The following MINK1 variants were observed in gnomAD, a reference collection of about 807,000 sequenced individuals.
MINK1 encodes the protein misshapen-like kinase 1.
In MINK1, 46 loss-of-function variants were observed where a neutral mutation model predicts 178.4. The ratio of observed to expected loss-of-function variants is 0.26; its 90% confidence interval spans 0.20 to 0.33. MINK1 has a LOEUF of 0.33. Among genes scored for constraint, MINK1 ranks in the 10% least tolerant of loss-of-function variants. MINK1 has a pLI of 1.00. For synonymous variants in MINK1, 797 were observed against 709.7 expected, an observed-to-expected ratio of 1.12 and a Z score of -1.96; for missense variants, 1,366 against 1,814.9, an observed-to-expected ratio of 0.75 and a Z score of 4.49.
At chr17:4,849,824 C>T (rs975432999) in intron 1 of MINK1, among the ~76,000 whole-genome samples, 2 of 152,182 alleles carry the variant, frequency 1.3e-5, no homozygotes, top group African/African-American at 4.8e-5. Flanking sequence ...CCGCCCGCCT[C>T]GGCCTCCCAA....
In MINK1 at chr17:4,890,422, T is replaced by C. The variant is rs1194117600; in HGVS notation, c.1348-95T>C. Reference sequence around the variant, plus strand: ...ACCCAGGACATCAAGGGAATACATCTCCTCTCTAGGCAGTTGGAGAAAAGA... The same window carrying C: ...ACCCAGGACATCAAGGGAATACATCCCCTCTCTAGGCAGTTGGAGAAAAGA... On this transcript the variant is annotated intron_variant, in intron 13 of 31. Transcript: ENST00000355280. 3.4e-6 allele frequency: 5 copies of C among 1,489,658 alleles called. No homozygotes were observed. The East Asian group carries it at 9.9e-5, about 30-fold the overall frequency. The allele number at this position is 1,489,658 out of a possible 1,614,324, so 92.3% of individuals were successfully genotyped here.
intron 2 of MINK1, 63 bp downstream of exon 2, chr17:4,878,445 AG>A: frequency 7.0e-7 from 1 of 1,426,726 alleles, no homozygotes; most frequent in Admixed American, 2.0e-5. Flanking sequence ...GAGGAGTGGA[AG>A]GAAGTAGATT....
At position 4,897,468 on chromosome 17, in the gene MINK1, T is replaced by TC. The variant is rs1360779155; in HGVS notation, c.*185dup. On this transcript the variant is annotated 3_prime_UTR_variant, in exon 32 of 32. Transcript: ENST00000355280. ...TTTCGTGATCACGTGACCATCCTCTTCCCCAACATGTCCTCTTCCCAAAAC... is the reference window on the plus strand; with the variant it reads ...TTTCGTGATCACGTGACCATCCTCTTCCCCCAACATGTCCTCTTCCCAAAAC... The TC allele has an allele frequency of 1.2e-5, 7 of 583,554 alleles. No individual in the cohort carries two copies. Among genetic ancestry groups the TC allele is most frequent in the East Asian group, 5.9e-5 (2 of 33,826 alleles). The allele number at this position is 583,554 out of a possible 1,614,324, so 36.1% of individuals were successfully genotyped here.
At chr17:4,882,104 A>G (rs1259108506) in intron 4 of MINK1, among the ~76,000 whole-genome samples, 1 of 152,236 alleles carries the variant, frequency 6.6e-6, no homozygotes, top group Non-Finnish European at 1.5e-5. Flanking sequence ...GGTGACAGGG[A>G]GGTCTACCTG....
intron 14 of MINK1, 70 bp from the exon 15 acceptor site, chr17:4,890,881 C>A: frequency 6.5e-7 from 1 of 1,541,950 alleles, no homozygotes; most frequent in South Asian, 1.2e-5. Flanking sequence ...GTAGTTAGGG[C>A]AGGTGGGACC....
chr17:4,857,166 A>G, intron 1 of MINK1: 1 of 290,510 alleles, frequency 3.4e-6, no homozygotes. Flanking sequence ...GACAGCCGCC[A>G]CTAGGCCATA....
intron 1 of MINK1, among the ~76,000 whole-genome samples, chr17:4,835,508 T>A (rs1236366123): frequency 1.3e-5 from 2 of 152,212 alleles, no homozygotes; most frequent in African/African-American, 4.8e-5. Context: ...ACACCTGTGA[T>A]CCCAGCTACT....
Position 4,839,189 on chromosome 17 carries a change from C to T in MINK1, c.57+5549C>T, listed in dbSNP as rs528008997. Among the ~76,000 whole-genome samples, 28 of 152,242 alleles carry T rather than the reference C, an allele frequency of 1.8e-4. No homozygotes were observed. The East Asian group carries it at 4.8e-3, about 26-fold the overall frequency. ...TGATCTCCTGACCTTGTAATCTGCC[C>T]GCCTCAGCCTCCCAAAGTGCTGGGA... On this transcript the variant is annotated intron_variant, in intron 1 of 31. Coordinates refer to ENST00000355280, the MANE Select transcript of MINK1 (RefSeq NM_153827.5).
intron 1 of MINK1, among the ~76,000 whole-genome samples, chr17:4,843,400 C>T (rs1442289297): frequency 4.0e-5 from 6 of 151,870 alleles, no homozygotes; most frequent in African/African-American, 9.7e-5. Context: ...ATCGCTTGAA[C>T]TCAGGAGGCG....
intron 2 of MINK1, among the ~76,000 whole-genome samples, chr17:4,879,037 C>G (rs915501324): frequency 1.3e-5 from 2 of 151,954 alleles, no homozygotes; most frequent in African/African-American, 2.4e-5. Context: ...ATTGTGGGAG[C>G]CGCTGCAGCA....
rs187934183 is a variant in MINK1, at chr17:4,845,721, C to G, written c.57+12081C>G. On this transcript the variant is annotated intron_variant, in intron 1 of 31. Transcript: ENST00000355280. ...CACAATCTTGGCTCAACTGCAGCCT[C>G]CACCCCTGGGTTCAAGCGATTCTCC... is the stretch of plus-strand genomic sequence containing the variant. Among the ~76,000 whole-genome samples, 7 of 152,104 alleles carry G rather than the reference C, an allele frequency of 4.6e-5. No homozygotes were observed. The East Asian group carries it at 1.4e-3, about 29-fold the overall frequency.
At chr17:4,869,813 T>TTTTATTTG (rs1037602618) in intron 1 of MINK1, among the ~76,000 whole-genome samples, 1 of 119,570 alleles carries the variant, frequency 8.4e-6, no homozygotes, top group African/African-American at 3.1e-5. Flanking sequence ...TTATTTATTA[T>TTTTATTTG]TTTATTTGTT....
At chr17:4,881,280 C>A in intron 4 of MINK1, 23 bp downstream of exon 4, 1 of 1,534,886 alleles carries the variant, frequency 6.5e-7, no homozygotes, top group Non-Finnish European at 8.7e-7. Flanking sequence ...CCCCTGCCCG[C>A]CTTCCCTCCC....
In MINK1 at chr17:4,894,769, C is replaced by T. The variant is rs1969267096; in HGVS notation, c.2917+136C>T. 5 of 719,212 alleles carry T rather than the reference C, an allele frequency of 7.0e-6. No homozygotes were observed. Among genetic ancestry groups the T allele is most frequent in the South Asian group, 6.8e-5 (4 of 58,504 alleles). 44.6% of individuals were successfully genotyped at this position (719,212 alleles called of 1,614,324 possible). A position where few individuals can be genotyped will look rare whatever the true frequency, so the allele number is the denominator to read the frequency against. ...CCTTGGGCCCTAGCACCTGCCTGGG[C>T]ACAGAGGCAAGGAAGAGCCTCTGAG... On this transcript the variant is annotated intron_variant, in intron 24 of 31. Transcript: ENST00000355280. This position sits in a 1 kb window ranked among gnomAD's most constrained non-coding sequence, Gnocchi z 4.1.
At chr17:4,858,617 C>T (rs8067447) in intron 1 of MINK1, among the ~76,000 whole-genome samples, 20,029 of 151,718 alleles carry the variant, frequency 0.13, 1,627 homozygotes, top group African/African-American at 0.23. Flanking sequence ...GCTGGGATTA[C>T]AGGCATGCAC....
At chr17:4,869,837 A>G (rs575758782) in intron 1 of MINK1, among the ~76,000 whole-genome samples, 47 of 119,778 alleles carry the variant, frequency 3.9e-4, no homozygotes, top group African/African-American at 1.3e-3. Context: ...TTATTTATTT[A>G]TTTATTTATT....
chr17:4,883,350 G>A (rs1021740551), intron 4 of MINK1: 1 of 151,190 alleles, frequency 6.6e-6, no homozygotes. Flanking sequence ...GATTACAGGT[G>A]CCCACCACCA....
chr17:4,891,257 C>T, intron 15 of MINK1, 133 bp downstream of exon 15: 2 of 1,156,972 alleles, frequency 1.7e-6, no homozygotes, highest in Non-Finnish European at 2.4e-6. Flanking sequence ...TTACAGAGCA[C>T]AGGCTTTGTG....
chr17:4,894,968 C>CT lies in MINK1; in HGVS notation c.2918-104dup. On this transcript the variant is annotated intron_variant, in intron 24 of 31. Coordinates refer to ENST00000355280, the MANE Select transcript of MINK1 (RefSeq NM_153827.5). This position sits in a 1 kb window ranked among gnomAD's most constrained non-coding sequence, Gnocchi z 4.1. ...CTCCTCTCCTCCTGTCTTTCTCCTCCTTTCTGCGTATTATGAGGTGCCAAG... is the reference window on the plus strand; with the variant it reads ...CTCCTCTCCTCCTGTCTTTCTCCTCCTTTTCTGCGTATTATGAGGTGCCAAG... 1 of 1,228,584 alleles carries CT rather than the reference C, an allele frequency of 8.1e-7. No individual in the cohort carries two copies. The highest frequency in any genetic ancestry group is 2.5e-5 in the East Asian group (1 of 40,070). The allele number at this position is 1,228,584 out of a possible 1,614,324, so 76.1% of individuals were successfully genotyped here. A position where few individuals can be genotyped will look rare whatever the true frequency, so the allele number is the denominator to read the frequency against.
Sources: gnomAD v4.1 joint callset for allele counts (sites outside exome capture counted in the v4.1 genomes callset) on GRCh38, gnomAD v4.1.1 for gene constraint, Gnocchi (gnomAD v3.1) non-coding constraint, MANE v1.5 for transcripts, NCBI Gene and HGNC (gene_info 2026-07-23, HGNC 2026-07-21) for gene names.